ERCC3: variants seen among roughly 807,000 people sequenced by gnomAD.
ERCC3 encodes ERCC excision repair 3, TFIIH core complex helicase subunit.
In ERCC3, 66 loss-of-function variants were observed where a neutral mutation model predicts 94.2. The ratio of observed to expected loss-of-function variants is 0.70; its 90% confidence interval spans 0.57 to 0.86. The LOEUF is 0.86. Ranked by LOEUF, ERCC3 falls within the 40% of genes least tolerant of loss-of-function variation. The pLI is 0.00. For missense variants in ERCC3, 829 were observed against 987.1 expected (o/e 0.84, Z 2.15); for synonymous variants, 349 against 369.1 (o/e 0.95, Z 0.63).
At chr2:127,292,410 G>A (rs903229792) in intron 3 of ERCC3, 200 bp downstream of exon 3, 14 of 652,944 alleles carry the variant, frequency 2.1e-5, no homozygotes, top group African/African-American at 5.8e-5. Context: ...AGAGTGTAGC[G>A]GCTCATGAGA....
chr2:127,279,368 C>T lies in ERCC3; in HGVS notation c.1535G>A (p.Cys512Tyr). 1 of 1,612,772 alleles carries T rather than the reference C, an allele frequency of 6.2e-7. No individual in the cohort carries two copies. The highest frequency in any genetic ancestry group is 8.5e-7 in the Non-Finnish European group (1 of 1,178,772). ...CCGGTAAAATTCAGGAGACATAGGG[C>T]ACCAGACCTGTAATACAGTAAGAAC... ...IAKVQCAEVW[C>Y]PMSPEFYREY... The change falls in exon 10 of 15, where the codon TGC (cysteine) becomes TAC (tyrosine). Residue 512 changes from cysteine (C) to tyrosine (Y), a missense_variant. Cys to Tyr is a radical substitution (Grantham distance 194, BLOSUM62 -2). Transcript: ENST00000285398. This position sits in a 1 kb window ranked among gnomAD's most constrained non-coding sequence, Gnocchi z 4.7.
In ERCC3 at chr2:127,273,072, C is replaced by T. The variant is rs183155369; in HGVS notation, c.1731-111G>A. On this transcript the variant is annotated intron_variant, in intron 10 of 14. Coordinates refer to ENST00000285398, the MANE Select transcript of ERCC3 (RefSeq NM_000122.2). ...TAGCTCTTCTCAAGTAGAAAGCCCT[C>T]GTCATGTAGGAATATCGTTACACCC... 5.9e-4 allele frequency: 426 copies of T among 725,312 alleles called. 2 individuals are homozygous for T. The African/African-American group carries it at 6.9e-3, about 12-fold the overall frequency. The allele number at this position is 725,312 out of a possible 1,614,324, so 44.9% of individuals were successfully genotyped here.
rs577126963 is a variant in ERCC3, at chr2:127,261,638, C to T, written c.1946-292G>A. Reference sequence around the variant, plus strand: ...GAACTGTTGAAACTCAACAACAAGACAAATTAATTATAAATGAGAGAAGAA... The same window carrying T: ...GAACTGTTGAAACTCAACAACAAGATAAATTAATTATAAATGAGAGAAGAA... On this transcript the variant is annotated intron_variant, in intron 12 of 14. Coordinates refer to ENST00000285398, the MANE Select transcript of ERCC3 (RefSeq NM_000122.2). The T allele has an allele frequency of 3.9e-4, 158 of 400,576 alleles. 3 individuals carry two copies. The highest frequency in any genetic ancestry group is 3.4e-3 in the South Asian group (151 of 44,886). 24.8% of individuals were successfully genotyped at this position (400,576 alleles called of 1,614,324 possible). A position where few individuals can be genotyped will look rare whatever the true frequency, so the allele number is the denominator to read the frequency against.
At chr2:127,290,463 C>A in intron 3 of ERCC3, 190 bp from the exon 4 acceptor site, 1 of 654,524 alleles carries the variant, frequency 1.5e-6, no homozygotes, top group South Asian at 1.7e-5. Flanking sequence ...TTTCTGAGAA[C>A]AAAATCTTCC....
chr2:127,280,473 A>G lies in ERCC3; in HGVS notation c.1501T>C (p.Tyr501His), dbSNP rs775470553. 1.9e-6 allele frequency: 3 copies of G among 1,613,440 alleles called. No individual in the cohort carries two copies. Among genetic ancestry groups the G allele is most frequent in the Non-Finnish European group, 2.5e-6 (3 of 1,179,782 alleles). Residue 501 changes from tyrosine to histidine, a missense_variant, in exon 9 of 15, where the codon TAC (tyrosine) becomes CAC (histidine). Tyr to His is a moderately conservative substitution (Grantham distance 83). Transcript: ENST00000285398. This position sits in a 1 kb window ranked among gnomAD's most constrained non-coding sequence, Gnocchi z 6.3. ...ANWMELQNNG[Y>H]IAKVQCAEVW... is the part of the protein sequence containing the mutation. ...TCAGCACACTGGACTTTGGCGATGT[A>G]GCCATTATTCTGCAGCTCCATCCAG...
Position 127,279,237 on chromosome 2 carries a change from C to T in ERCC3, c.1666G>A (p.Asp556Asn), listed in dbSNP as rs1163407906. ...FLIKFHERRN[D>N]KIIVFADNVF... is the part of the protein sequence containing the mutation. ...TTGTCAGCAAAGACAATAATCTTGT[C>T]ATTCCTCCTTTCATGAAACTTGATC... The change falls in exon 10 of 15, where the codon GAC becomes AAC. Residue 556 changes from aspartate (D) to asparagine (N), a missense_variant. Asp to Asn is a conservative substitution (Grantham distance 23). Coordinates refer to ENST00000285398, the MANE Select transcript of ERCC3 (RefSeq NM_000122.2). The surrounding 1 kb of genome is among the most constrained non-coding windows in gnomAD (Gnocchi z 4.7). 6.2e-7 allele frequency: 1 copy of T among 1,613,898 alleles called. No homozygotes were observed. Among genetic ancestry groups the T allele is most frequent in the Non-Finnish European group, 8.5e-7 (1 of 1,179,760 alleles).
intron 10 of ERCC3, among the ~76,000 whole-genome samples, chr2:127,276,437 G>A (rs2104756012): frequency 6.6e-6 from 1 of 152,198 alleles, no homozygotes; most frequent in Non-Finnish European, 1.5e-5. Flanking sequence ...ATGAAGAAAA[G>A]AGACATGGCA....
At chr2:127,266,196 C>T (rs7575292) in intron 12 of ERCC3, among the ~76,000 whole-genome samples, 13 of 150,618 alleles carry the variant, frequency 8.6e-5, no homozygotes, top group South Asian at 6.3e-4. Context: ...CAAAGTGCTG[C>T]GGTTACAGGC....
At position 127,284,637 on chromosome 2, in the gene ERCC3, C is replaced by A. The variant is rs539699784; in HGVS notation, c.1342+2066G>T. Among the ~76,000 whole-genome samples the A allele has an allele frequency of 6.6e-6, 1 of 152,102 alleles. No individual in the cohort carries two copies. The highest frequency in any genetic ancestry group is 1.5e-5 in the Non-Finnish European group (1 of 68,014). On this transcript the variant is annotated intron_variant, in intron 8 of 14. Transcript: ENST00000285398. The surrounding 1 kb of genome is among the most constrained non-coding windows in gnomAD (Gnocchi z 4.1). Reference sequence around the variant, plus strand: ...AAAATGCCTCAGATTTCATTTTGTTCATAGTAACCTCTATTAGACTCCTTA... The same window carrying A: ...AAAATGCCTCAGATTTCATTTTGTTAATAGTAACCTCTATTAGACTCCTTA...
rs1454011765 is a variant in ERCC3 at position 127,267,089 on chromosome 2, T to C, written c.1945+4247A>G. Among the ~76,000 whole-genome samples the C allele has an allele frequency of 2.6e-5, 4 of 152,310 alleles. No individual in the cohort carries two copies. In the South Asian group the frequency reaches 6.2e-4, roughly 24 times the overall value. ...ATTCTGTGGTTGTTGCGTAGAGAAT[T>C]ATGTAGATGCCTATTAGGTCCAATT... On this transcript the variant is annotated intron_variant, in intron 12 of 14. Transcript: ENST00000285398.
chr2:127,292,560 T>A, intron 3 of ERCC3, 50 bp downstream of exon 3: 1 of 1,188,236 alleles, frequency 8.4e-7, no homozygotes. Context: ...CCTATGCCTA[T>A]TGTTACATTA....
At chr2:127,268,848 C>T (rs1025056581) in intron 12 of ERCC3, among the ~76,000 whole-genome samples, 14 of 152,184 alleles carry the variant, frequency 9.2e-5, no homozygotes, top group Non-Finnish European at 1.8e-4. Context: ...TTTACCTTTT[C>T]GCTTTAAGAA....
Position 127,280,843 on chromosome 2 carries a change from C to A in ERCC3, c.1343-212G>T. 1.7e-6 allele frequency: 1 copy of A among 591,786 alleles called. No homozygotes were observed. The highest frequency in any genetic ancestry group is 2.4e-5 in the South Asian group (1 of 42,368). The allele number at this position is 591,786 out of a possible 1,614,324, so 36.7% of individuals were successfully genotyped here. A position where few individuals can be genotyped will look rare whatever the true frequency, so the allele number is the denominator to read the frequency against. ...CACCCAGCCTACACTGTCACTTTTTCAAATGCTCATAGCTGTGCAACTTAA... is the reference window on the plus strand; with the variant it reads ...CACCCAGCCTACACTGTCACTTTTTAAAATGCTCATAGCTGTGCAACTTAA... On this transcript the variant is annotated intron_variant, in intron 8 of 14. Coordinates refer to ENST00000285398, the MANE Select transcript of ERCC3 (RefSeq NM_000122.2). The surrounding 1 kb of genome is among the most constrained non-coding windows in gnomAD (Gnocchi z 6.3).
chr2:127,279,489 C>G lies in ERCC3; in HGVS notation c.1528-114G>C. The G allele has an allele frequency of 1.2e-6, 1 of 833,944 alleles. No individual in the cohort carries two copies. The highest frequency in any genetic ancestry group is 2.0e-6 in the Non-Finnish European group (1 of 492,894). The allele number at this position is 833,944 out of a possible 1,614,324, so 51.7% of individuals were successfully genotyped here. On this transcript the variant is annotated intron_variant, in intron 9 of 14. Transcript: ENST00000285398. The surrounding 1 kb of genome is among the most constrained non-coding windows in gnomAD (Gnocchi z 4.7). ...GCTTTAAAACAAAACCAGTCAGGTGCAGTGGCTCATGCCTGTAATGCCAGC... is the reference window on the plus strand; with the variant it reads ...GCTTTAAAACAAAACCAGTCAGGTGGAGTGGCTCATGCCTGTAATGCCAGC...
intron 7 of ERCC3, among the ~76,000 whole-genome samples, chr2:127,287,458 C>A (rs1002018787): frequency 1.3e-5 from 2 of 152,000 alleles, no homozygotes; most frequent in Admixed American, 1.3e-4. Context: ...CATGGTGAAA[C>A]CCTATCTTTA....
Position 127,286,704 on chromosome 2 carries a change from T to C in ERCC3, c.1341A>G (p.Pro447=), listed in dbSNP as rs1271029657. ...ACAGCTCAGCTCCAGCCTGCTTACC[T>C]GGTATGGTGTGCACTTCATCCAGGA... The part of the protein sequence containing the change: ...LMILDEVHTI[P]AKMFRRVLTI... The change falls in exon 8 of 15, where the codon CCA becomes CCG. Residue 447 remains proline (P), a splice_region_variant and synonymous_variant. Transcript: ENST00000285398. The C allele has an allele frequency of 1.2e-6, 2 of 1,613,882 alleles. No individual in the cohort carries two copies. The highest frequency in any genetic ancestry group is 1.3e-5 in the African/African-American group (1 of 74,916).
At chr2:127,276,172 A>G (rs1684731071) in intron 10 of ERCC3, among the ~76,000 whole-genome samples, 1 of 152,148 alleles carries the variant, frequency 6.6e-6, no homozygotes. Flanking sequence ...TGCCCAGGGG[A>G]CTGAAAAATT....
chr2:127,294,039 C>T lies in ERCC3; in HGVS notation c.28+15G>A, dbSNP rs1190793701. On this transcript the variant is annotated intron_variant, in intron 1 of 14. Transcript: ENST00000285398. ...AAGGGCAGTCGTGGCTGAGCGTGCCCGCGCAACGTCTCACCGCGGTCCGCT... is the reference window on the plus strand; with the variant it reads ...AAGGGCAGTCGTGGCTGAGCGTGCCTGCGCAACGTCTCACCGCGGTCCGCT... 1 of 1,604,802 alleles carries T rather than the reference C, an allele frequency of 6.2e-7. No homozygotes were observed. Among genetic ancestry groups the T allele is most frequent in the Non-Finnish European group, 8.5e-7 (1 of 1,178,880 alleles).
intron 3 of ERCC3, 134 bp from the exon 4 acceptor site, chr2:127,290,407 A>C (rs1261483766): frequency 2.6e-6 from 2 of 773,268 alleles, no homozygotes; most frequent in Non-Finnish European, 4.6e-6. Flanking sequence ...TGCAATCCTA[A>C]AGTGGTCAGA....
Sources: gnomAD v4.1 joint callset for allele counts (sites outside exome capture counted in the v4.1 genomes callset) on GRCh38, gnomAD v4.1.1 for gene constraint, Gnocchi (gnomAD v3.1) non-coding constraint, MANE v1.5 for transcripts, NCBI Gene and HGNC (gene_info 2026-07-23, HGNC 2026-07-21) for gene names.